ZEB1: variants seen among roughly 807,000 people sequenced by gnomAD.
The protein encoded by ZEB1 is zinc finger E-box-binding homeobox 1.
In ZEB1, 21 loss-of-function variants were observed where a neutral mutation model predicts 84.9. The ratio of observed to expected loss-of-function variants is 0.25; its 90% confidence interval spans 0.18 to 0.36. The LOEUF is 0.36. Among genes scored for constraint, ZEB1 ranks in the 10% least tolerant of loss-of-function variants. The pLI is 1.00. For missense variants in ZEB1, 1,104 were observed against 1,330.2 expected (o/e 0.83, Z 2.65); for synonymous variants, 420 against 471.1 (o/e 0.89, Z 1.41).
intron 1 of ZEB1, among the ~76,000 whole-genome samples, chr10:31,455,646 CAT>C (rs1219387999): frequency 1.3e-5 from 2 of 152,232 alleles, no homozygotes; most frequent in East Asian, 1.9e-4. Context: ...AGCCAGCAGA[CAT>C]ATGAAAAAAT....
At chr10:31,357,102 GA>G (rs1162844846) in intron 1 of ZEB1, among the ~76,000 whole-genome samples, 2 of 152,068 alleles carry the variant, frequency 1.3e-5, no homozygotes, top group Non-Finnish European at 2.9e-5. Flanking sequence ...GTATTTCTAG[GA>G]AAAGTGAATG....
chr10:31,524,188 T>C, intron 8 of ZEB1, 75 bp downstream of exon 8: 2 of 1,499,576 alleles, frequency 1.3e-6, no homozygotes, highest in Non-Finnish European at 1.8e-6. Context: ...AACTAAAGTT[T>C]TAGAATTTTC....
At chr10:31,342,536 A>T (rs2039579653) in intron 1 of ZEB1, among the ~76,000 whole-genome samples, 1 of 152,106 alleles carries the variant, frequency 6.6e-6, no homozygotes, top group African/African-American at 2.4e-5. Flanking sequence ...TTTATTATTG[A>T]ATCTCTGTAG....
upstream of ZEB1, chr10:31,318,948 C>G: frequency 4.0e-6 from 2 of 499,096 alleles, no homozygotes; most frequent in Non-Finnish European, 7.4e-6. Context: ...TACGGTTTCC[C>G]GGCATCCGCC....
chr10:31,348,862 G>T (rs1053566661), intron 1 of ZEB1, among the ~76,000 whole-genome samples: 5 of 152,040 alleles, frequency 3.3e-5, no homozygotes, highest in Admixed American at 2.0e-4. Context: ...TTTATTTTTT[G>T]ATATATGTAC....
intron 1 of ZEB1, among the ~76,000 whole-genome samples, chr10:31,455,512 A>C (rs1170931410): frequency 2.6e-5 from 4 of 152,230 alleles, no homozygotes; most frequent in Non-Finnish European, 5.9e-5. Context: ...CAATCTATCC[A>C]TCTGACAAAG....
intron 1 of ZEB1, chr10:31,363,790 G>A (rs1463701288): frequency 7.6e-6 from 10 of 1,320,560 alleles, no homozygotes; most frequent in Non-Finnish European, 9.4e-6. Context: ...CCTCTGTGGG[G>A]TGCCCGTGTT....
rs1157388147 is a variant in ZEB1 at position 31,363,515 on chromosome 10, A to G, written c.58+44223A>G. 9 of 1,527,854 alleles carry G rather than the reference A, an allele frequency of 5.9e-6. No individual in the cohort carries two copies. In the Admixed American group the frequency reaches 5.9e-5, roughly 10 times the overall value. 94.6% of individuals were successfully genotyped at this position (1,527,854 alleles called of 1,614,324 possible). On this transcript the variant is annotated intron_variant, in intron 1 of 8. Coordinates refer to ENST00000424869, the MANE Select transcript of ZEB1 (RefSeq NM_001174096.2). Reference sequence around the variant, plus strand: ...GTGGAGGCTGCTTCCCCATTGCTACAGGGGCCCCTTTTATTGTCCTCCTGC... The same window carrying G: ...GTGGAGGCTGCTTCCCCATTGCTACGGGGGCCCCTTTTATTGTCCTCCTGC...
chr10:31,391,609 G>T (rs527869148), intron 1 of ZEB1, among the ~76,000 whole-genome samples: 1 of 152,224 alleles, frequency 6.6e-6, no homozygotes, highest in African/African-American at 2.4e-5. Flanking sequence ...GTTCAGCCTT[G>T]CTTAGCTAAT....
At chr10:31,447,564 T>C (rs1233112115) in intron 1 of ZEB1, among the ~76,000 whole-genome samples, 1 of 136,830 alleles carries the variant, frequency 7.3e-6, no homozygotes, top group East Asian at 2.1e-4. Flanking sequence ...GGTTGTTCCT[T>C]TCCATGTTTA....
At chr10:31,439,505 A>G (rs755697053) in intron 1 of ZEB1, among the ~76,000 whole-genome samples, 1 of 152,214 alleles carries the variant, frequency 6.6e-6, no homozygotes, top group African/African-American at 2.4e-5. Context: ...AGGGATTAGT[A>G]TCTACAGCCA....
Position 31,510,843 on chromosome 10 carries a change from C to A in ZEB1, c.655C>A (p.His219Asn). The A allele has an allele frequency of 6.2e-7, 1 of 1,613,844 alleles. No individual in the cohort carries two copies. Among genetic ancestry groups the A allele is most frequent in the South Asian group, 1.1e-5 (1 of 91,038 alleles). The change falls in exon 5 of 9, where the codon CAC becomes AAC. Residue 219 changes from histidine to asparagine, a missense_variant. By Grantham distance (68) the His-to-Asn change is moderately conservative. This residue lies in a region of ZEB1 where 71 missense variants were observed against 119.1 expected (regional missense o/e 0.60). Coordinates refer to ENST00000424869, the MANE Select transcript of ZEB1 (RefSeq NM_001174096.2). ...TFAYRTQLER[H>N]MTSHKSGRDQ... The stretch of plus-strand genomic sequence containing the variant: ...TGCATACAGAACCCAACTTGAACGT[C>A]ACATGACATCACATAAATCAGGAAG...
At chr10:31,425,061 C>T (rs2056752960) in intron 1 of ZEB1, among the ~76,000 whole-genome samples, 1 of 151,866 alleles carries the variant, frequency 6.6e-6, no homozygotes, top group Non-Finnish European at 1.5e-5. Flanking sequence ...GGTAGGTTAA[C>T]ATTCAGCAGT....
chr10:31,482,401 A>G (rs2065159773), intron 2 of ZEB1, among the ~76,000 whole-genome samples: 1 of 152,022 alleles, frequency 6.6e-6, no homozygotes, highest in African/African-American at 2.4e-5. Flanking sequence ...TGGATTATCA[A>G]ATTTTGGTAG....
chr10:31,402,953 A>G (rs2052342305), intron 1 of ZEB1, among the ~76,000 whole-genome samples: 1 of 152,126 alleles, frequency 6.6e-6, no homozygotes, highest in Non-Finnish European at 1.5e-5. Context: ...TTGGGGCTCT[A>G]TTTGTTATTA....
chr10:31,508,788 G>T (rs939274853), intron 4 of ZEB1, among the ~76,000 whole-genome samples: 1 of 152,160 alleles, frequency 6.6e-6, no homozygotes, highest in African/African-American at 2.4e-5. Flanking sequence ...TGCTCTTGGT[G>T]GCAGCAGCCA....
intron 1 of ZEB1, chr10:31,361,182 C>T (rs1447376328): frequency 6.2e-7 from 1 of 1,611,800 alleles, no homozygotes; most frequent in African/African-American, 1.3e-5. Flanking sequence ...TCCCAAAAGA[C>T]CATCCTGCTC....
intron 1 of ZEB1, among the ~76,000 whole-genome samples, chr10:31,425,457 CTG>C (rs1233496800): frequency 6.6e-6 from 1 of 151,944 alleles, no homozygotes; most frequent in Non-Finnish European, 1.5e-5. Flanking sequence ...GTTGGGAAAA[CTG>C]TGGCAGAGAA....
intron 1 of ZEB1, chr10:31,321,414 C>T: frequency 5.0e-6 from 8 of 1,608,086 alleles, no homozygotes; most frequent in African/African-American, 1.3e-5. Context: ...GGAGAGATGA[C>T]TTGTTATAGC....
Sources: gnomAD v4.1 joint callset for allele counts (sites outside exome capture counted in the v4.1 genomes callset) on GRCh38, gnomAD v4.1.1 for gene constraint, gnomAD v4.1.1 regional missense constraint, MANE v1.5 for transcripts, NCBI Gene and HGNC (gene_info 2026-07-23, HGNC 2026-07-21) for gene names.